The following BBX variants were observed in gnomAD, a reference collection of about 807,000 sequenced individuals.
BBX encodes the protein HMG box transcription factor BBX.
A neutral mutation model predicts 100.2 loss-of-function variants in BBX; 30 were observed. The observed-to-expected ratio is 0.30, with a 90% CI of 0.22 to 0.41. The LOEUF (loss-of-function observed/expected upper bound fraction) is 0.41, where lower values mean the gene tolerates loss of function less well. Among genes scored for constraint, BBX ranks in the 10% least tolerant of loss-of-function variants. The probability of loss-of-function intolerance (pLI) is 1.00; values close to 1 mark genes in which losing one functional copy is unlikely to be tolerated. For synonymous variants in BBX, 376 were observed against 388.1 expected (o/e 0.97, Z 0.37); for missense variants, 1,023 against 1,129.8 (o/e 0.91, Z 1.35).
At position 107,774,810 on chromosome 3, in the gene BBX, G is replaced by A; in HGVS notation, c.2007G>A (p.Gly669=). 6.2e-7 allele frequency: 1 copy of A among 1,613,564 alleles called. No homozygotes were observed. Among genetic ancestry groups the A allele is most frequent in the Non-Finnish European group, 8.5e-7 (1 of 1,179,650 alleles). The change falls in exon 12 of 18, where the codon GGG becomes GGA. Residue 669 remains glycine, a synonymous_variant. Transcript: ENST00000325805. ...SWTFSQSGTS[G]SKKFKKTKPK... is the part of the protein sequence containing the mutation. ...CATTTAGTCAGAGTGGGACCAGTGG[G>A]AGCAAGAAGTTCAAGAAGACAAAGC...
At chr3:107,760,968 C>T (rs752719101) in intron 10 of BBX, among the ~76,000 whole-genome samples, 1 of 152,188 alleles carries the variant, frequency 6.6e-6, no homozygotes, top group Non-Finnish European at 1.5e-5. Context: ...AACAATTGCT[C>T]AGAGTTGATT....
intron 2 of BBX, among the ~76,000 whole-genome samples, chr3:107,598,263 G>A (rs2053803959): frequency 6.6e-6 from 1 of 152,104 alleles, no homozygotes; most frequent in Non-Finnish European, 1.5e-5. Context: ...GCTGTCTAGG[G>A]TAATGTCTTA....
intron 10 of BBX, among the ~76,000 whole-genome samples, chr3:107,763,489 G>T (rs2066087988): frequency 6.6e-6 from 1 of 152,158 alleles, no homozygotes; most frequent in South Asian, 2.1e-4. Flanking sequence ...GATTCAGAAA[G>T]ATAAAAGCTT....
At chr3:107,612,458 A>T (rs180923863) in intron 2 of BBX, among the ~76,000 whole-genome samples, 292 of 152,178 alleles carry the variant, frequency 1.9e-3, no homozygotes, top group Non-Finnish European at 3.7e-3. Context: ...ATTAGGGGGC[A>T]CCTCAAGCTT....
At chr3:107,528,883 A>G (rs2047960922) in intron 2 of BBX, among the ~76,000 whole-genome samples, 1 of 152,224 alleles carries the variant, frequency 6.6e-6, no homozygotes, top group South Asian at 2.1e-4. Context: ...GCCTACTAAC[A>G]GTATATGTTT....
chr3:107,731,311 A>G (rs527391885), intron 6 of BBX, among the ~76,000 whole-genome samples: 41 of 152,256 alleles, frequency 2.7e-4, no homozygotes, highest in Admixed American at 2.4e-3. Flanking sequence ...ACACATTTTT[A>G]TCTTTAGAAA....
At chr3:107,732,130 G>A (rs1355091014) in intron 6 of BBX, among the ~76,000 whole-genome samples, 1 of 152,098 alleles carries the variant, frequency 6.6e-6, no homozygotes, top group Non-Finnish European at 1.5e-5. Context: ...TTAGCTCACT[G>A]TAGCCTCAAA....
intron 3 of BBX, among the ~76,000 whole-genome samples, chr3:107,664,590 A>G (rs2058645440): frequency 6.6e-6 from 1 of 152,178 alleles, no homozygotes; most frequent in Non-Finnish European, 1.5e-5. Flanking sequence ...ATTGTCACTC[A>G]TACCTTTTCT....
intron 2 of BBX, among the ~76,000 whole-genome samples, chr3:107,538,912 C>T (rs943631497): frequency 6.6e-6 from 1 of 151,962 alleles, no homozygotes; most frequent in Non-Finnish European, 1.5e-5. Context: ...AGCTTCCAAG[C>T]TGGGACCACA....
rs751405830 is a variant in BBX, at chr3:107,801,129, C to T, written c.2586C>T (p.Leu862=). ...DKPKEQLQRS[L]PKATETDCND... is the part of the protein sequence containing the mutation. Reference sequence around the variant, plus strand: ...CAAAGGAACAACTGCAGAGGAGTCTCCCTAAAGCAACTGAGACAGACTGCA... The same window carrying T: ...CAAAGGAACAACTGCAGAGGAGTCTTCCTAAAGCAACTGAGACAGACTGCA... The change falls in exon 17 of 18, where the codon CTC becomes CTT. Residue 862 remains leucine (L), a synonymous_variant. Transcript: ENST00000325805. 34 of 1,614,066 alleles carry T rather than the reference C, an allele frequency of 2.1e-5. No individual in the cohort carries two copies. Among genetic ancestry groups the T allele is most frequent in the East Asian group, 4.5e-5 (2 of 44,896 alleles).
chr3:107,716,019 CAA>C (rs2062077878), intron 4 of BBX, among the ~76,000 whole-genome samples: 1 of 152,126 alleles, frequency 6.6e-6, no homozygotes, highest in East Asian at 1.9e-4. Context: ...TTTTTTTACA[CAA>C]GACTCTACTT....
intron 3 of BBX, among the ~76,000 whole-genome samples, chr3:107,660,505 T>TAAAAAAAAAAAAAAA (rs34604623): frequency 9.9e-6 from 1 of 101,322 alleles, no homozygotes; most frequent in Non-Finnish European, 2.0e-5. Context: ...CAAAAAGCAT[T>TAAAAAAAAAAAAAAA]AAAAAAAAAA....
intron 2 of BBX, among the ~76,000 whole-genome samples, chr3:107,548,673 A>G (rs1000969342): frequency 7.9e-5 from 12 of 152,224 alleles, no homozygotes; most frequent in Non-Finnish European, 2.9e-5. Flanking sequence ...GTTTTGTCAA[A>G]AAGACACATG....
At chr3:107,669,749 A>G (rs1381211051) in intron 3 of BBX, among the ~76,000 whole-genome samples, 2 of 152,190 alleles carry the variant, frequency 1.3e-5, no homozygotes, top group African/African-American at 4.8e-5. Context: ...GGTACTCTAA[A>G]AGGGATTTTT....
intron 5 of BBX, among the ~76,000 whole-genome samples, chr3:107,725,199 GCTCT>G (rs1560045919): frequency 6.6e-6 from 1 of 151,970 alleles, no homozygotes; most frequent in Non-Finnish European, 1.5e-5. Flanking sequence ...TCATGATTTG[GCTCT>G]CTGTTTGTCT....
intron 2 of BBX, among the ~76,000 whole-genome samples, chr3:107,563,626 A>G (rs780413012): frequency 2.0e-5 from 3 of 152,252 alleles, no homozygotes; most frequent in Non-Finnish European, 4.4e-5. Flanking sequence ...ACATTTCAGA[A>G]TAAAATTGGC....
intron 3 of BBX, among the ~76,000 whole-genome samples, chr3:107,660,505 T>TAAAAAAAAAA (rs34604623): frequency 9.9e-6 from 1 of 101,322 alleles, no homozygotes; most frequent in African/African-American, 3.6e-5. Flanking sequence ...CAAAAAGCAT[T>TAAAAAAAAAA]AAAAAAAAAA....
At chr3:107,801,017 C>A in intron 16 of BBX, 78 bp from the exon 17 acceptor site, 1 of 1,375,650 alleles carries the variant, frequency 7.3e-7, no homozygotes, top group Non-Finnish European at 1.0e-6. Flanking sequence ...TTCATGTTGA[C>A]TGGCACAGCG....
At chr3:107,690,980 C>T (rs1261862371) in intron 3 of BBX, among the ~76,000 whole-genome samples, 2 of 139,572 alleles carry the variant, frequency 1.4e-5, no homozygotes, top group Non-Finnish European at 1.5e-5. Context: ...GCTCATTGCA[C>T]CCTCTACCTC....
Sources: gnomAD v4.1 joint callset for allele counts (sites outside exome capture counted in the v4.1 genomes callset) on GRCh38, gnomAD v4.1.1 for gene constraint, MANE v1.5 for transcripts, NCBI Gene and HGNC (gene_info 2026-07-23, HGNC 2026-07-21) for gene names.